Variants in LAMP3 observed in about 807,000 individuals in gnomAD.
The protein encoded by LAMP3 is lysosome-associated membrane glycoprotein 3.
In LAMP3, 26 loss-of-function variants were observed where a neutral mutation model predicts 34.8. That is an observed-to-expected ratio of 0.75 (90% confidence interval 0.55 to 1.04). The LOEUF (loss-of-function observed/expected upper bound fraction) is 1.04, where lower values mean the gene tolerates loss of function less well. Ranked by LOEUF, LAMP3 falls within the 50% of genes least tolerant of loss-of-function variation. The pLI is 0.00. For synonymous variants in LAMP3, 180 were observed against 201.9 expected (o/e 0.89, Z 0.92); for missense variants, 495 against 524.0 (o/e 0.94, Z 0.54).
chr3:183,127,291 A>T (rs1719803354), intron 5 of LAMP3, among the ~76,000 whole-genome samples: 1 of 151,960 alleles, frequency 6.6e-6, no homozygotes, highest in Non-Finnish European at 1.5e-5. Context: ...ATGCCACCCC[A>T]CTCAGCTACT....
At position 183,128,538 on chromosome 3, in the gene LAMP3, T is replaced by C. The variant is rs149635460; in HGVS notation, c.1118-4324A>G. Among the ~76,000 whole-genome samples, 1,038 of 152,306 alleles carry C rather than the reference T, an allele frequency of 6.8e-3. 9 individuals carry two copies. The highest frequency in any genetic ancestry group is 0.039 in the South Asian group (187 of 4,830). On this transcript the variant is annotated intron_variant, in intron 5 of 5. Transcript: ENST00000265598. ...TTCATTTTTTTGCTATTATAAATAA[T>C]GTTGTAATGAATAACCACGTACAAA...
intron 1 of LAMP3, among the ~76,000 whole-genome samples, chr3:183,155,516 C>T (rs1720798044): frequency 6.6e-6 from 1 of 152,226 alleles, no homozygotes; most frequent in Admixed American, 6.5e-5. Context: ...TCCTTGTCCT[C>T]CTTATATAAA....
At chr3:183,145,563 C>A (rs931737201) in intron 3 of LAMP3, among the ~76,000 whole-genome samples, 2 of 152,114 alleles carry the variant, frequency 1.3e-5, no homozygotes, top group African/African-American at 2.4e-5. Flanking sequence ...ATTTAAAAAA[C>A]TACAAATTGG....
At position 183,128,167 on chromosome 3, in the gene LAMP3, T is replaced by C. The variant is rs1444902203; in HGVS notation, c.1118-3953A>G. ...CATCTCAAAAAAAAAAAAAAAAGTG[T>C]TCTGACGATTTAACACTGTCATATG... On this transcript the variant is annotated intron_variant, in intron 5 of 5. Coordinates refer to ENST00000265598, the MANE Select transcript of LAMP3 (RefSeq NM_014398.4). Among the ~76,000 whole-genome samples, 6 of 145,658 alleles carry C rather than the reference T, an allele frequency of 4.1e-5. No homozygotes were observed. In the Admixed American group the frequency reaches 4.1e-4, roughly 10 times the overall value.
At chr3:183,136,858 T>G (rs1281732868) in intron 4 of LAMP3, among the ~76,000 whole-genome samples, 1 of 151,448 alleles carries the variant, frequency 6.6e-6, no homozygotes, top group Non-Finnish European at 1.5e-5. Flanking sequence ...TTTTAATCAT[T>G]GAGGCCAGGC....
At chr3:183,143,683 C>T (rs187938232) in intron 3 of LAMP3, among the ~76,000 whole-genome samples, 1 of 152,102 alleles carries the variant, frequency 6.6e-6, no homozygotes, top group Admixed American at 6.5e-5. Flanking sequence ...TTCATACATC[C>T]CTATTAAGTG....
rs758549848 is a variant in LAMP3, at chr3:183,135,655, C to A, written c.1117+62G>T. On this transcript the variant is annotated intron_variant, in intron 5 of 5. Coordinates refer to ENST00000265598, the MANE Select transcript of LAMP3 (RefSeq NM_014398.4). The stretch of plus-strand genomic sequence containing the variant: ...CTTCGACAGCTGCAGACAGAAAACA[C>A]TTTGGATCTACCCTGGGGTCTCTAA... The A allele has an allele frequency of 5.4e-5, 80 of 1,469,788 alleles. No homozygotes were observed. The Middle Eastern group carries it at 1.7e-3, about 31-fold the overall frequency. The allele number at this position is 1,469,788 out of a possible 1,614,324, so 91.0% of individuals were successfully genotyped here.
At chr3:183,137,552 T>C (rs1720135994) in intron 4 of LAMP3, among the ~76,000 whole-genome samples, 1 of 152,140 alleles carries the variant, frequency 6.6e-6, no homozygotes, top group South Asian at 2.1e-4. Flanking sequence ...TACATGCAAA[T>C]GCCCTATACA....
In LAMP3 at chr3:183,154,155, T is replaced by C; in HGVS notation, c.286A>G (p.Thr96Ala). 1.2e-6 allele frequency: 2 copies of C among 1,613,954 alleles called. No homozygotes were observed. The highest frequency in any genetic ancestry group is 1.7e-6 in the Non-Finnish European group (2 of 1,179,882). The change falls in exon 2 of 6, where the codon ACC (threonine) becomes GCC (alanine). Residue 96 changes from threonine (T) to alanine (A), a missense_variant. By Grantham distance (58) the Thr-to-Ala change is moderately conservative (BLOSUM62 0). Transcript: ENST00000265598. ...AGGGTGTAGGTAATTGGGCTGGTGG[T>C]TGCAGTGTTTTTTGTAGTCGCTGGG... is the stretch of plus-strand genomic sequence containing the variant. ...TTPATTKNTA[T>A]TSPITYTLVT... is the part of the protein sequence containing the mutation.
intron 5 of LAMP3, among the ~76,000 whole-genome samples, chr3:183,131,406 G>A (rs886778971): frequency 6.6e-6 from 1 of 152,190 alleles, no homozygotes; most frequent in African/African-American, 2.4e-5. Context: ...CCTGGAGCAG[G>A]TGCCAGTTTG....
chr3:183,149,169 T>G (rs1482995831), intron 3 of LAMP3, among the ~76,000 whole-genome samples: 2 of 150,278 alleles, frequency 1.3e-5, no homozygotes, highest in Non-Finnish European at 3.0e-5. Flanking sequence ...AGATAGAGAG[T>G]AGAATGATGG....
At chr3:183,137,814 T>C (rs1576874775) in intron 4 of LAMP3, among the ~76,000 whole-genome samples, 1 of 149,724 alleles carries the variant, frequency 6.7e-6, no homozygotes, top group Non-Finnish European at 1.5e-5. Context: ...GACTTCCCCT[T>C]CCCCCCACCT....
At chr3:183,124,784 A>G (rs746164621) in intron 5 of LAMP3, among the ~76,000 whole-genome samples, 8 of 151,990 alleles carry the variant, frequency 5.3e-5, no homozygotes, top group Non-Finnish European at 7.4e-5. Flanking sequence ...GTGAGCCGAG[A>G]TCACACCATT....
chr3:183,149,401 G>A (rs562988220), intron 3 of LAMP3, among the ~76,000 whole-genome samples: 11 of 151,478 alleles, frequency 7.3e-5, no homozygotes, highest in East Asian at 1.9e-4. Flanking sequence ...TTAGCCAGGC[G>A]TGGTGGTGCG....
chr3:183,162,773 G>T (rs900986059), upstream of LAMP3: 34 of 977,470 alleles, frequency 3.5e-5, 1 homozygote, highest in South Asian at 5.6e-4. Context: ...AGAAGCAGCC[G>T]AAAAGCCCGC....
chr3:183,137,265 G>A (rs2108599721), intron 4 of LAMP3, among the ~76,000 whole-genome samples: 1 of 152,276 alleles, frequency 6.6e-6, no homozygotes, highest in East Asian at 1.9e-4. Flanking sequence ...GTTGCAGTAA[G>A]GTGAGATCGT....
chr3:183,158,910 T>C (rs1385558801), intron 1 of LAMP3, among the ~76,000 whole-genome samples: 5 of 151,948 alleles, frequency 3.3e-5, no homozygotes, highest in Admixed American at 3.3e-4. Flanking sequence ...GTTTTTTTTT[T>C]CTCCTTGAGA....
chr3:183,156,542 T>C (rs1720827736), intron 1 of LAMP3, among the ~76,000 whole-genome samples: 2 of 152,218 alleles, frequency 1.3e-5, no homozygotes, highest in Admixed American at 6.5e-5. Flanking sequence ...GCTATGCTAG[T>C]ATTTACAAAG....
intron 3 of LAMP3, among the ~76,000 whole-genome samples, chr3:183,150,216 A>C (rs1368362652): frequency 6.6e-6 from 1 of 152,156 alleles, no homozygotes; most frequent in East Asian, 1.9e-4. Context: ...AGGAAGAGGT[A>C]ATTTGGGAGC....
Sources: gnomAD v4.1 joint callset for allele counts (sites outside exome capture counted in the v4.1 genomes callset) on GRCh38, gnomAD v4.1.1 for gene constraint, MANE v1.5 for transcripts, NCBI Gene and HGNC (gene_info 2026-07-23, HGNC 2026-07-21) for gene names.